Variants in WWC1 observed in about 807,000 individuals in gnomAD.
WWC1 encodes the protein protein KIBRA.
A neutral mutation model predicts 138.4 loss-of-function variants in WWC1; 55 were observed. The observed-to-expected ratio is 0.40, with a 90% CI of 0.32 to 0.50. The LOEUF (loss-of-function observed/expected upper bound fraction) is 0.50, where lower values mean the gene tolerates loss of function less well. WWC1 is among the 20% of genes least tolerant of loss of function. WWC1 has a pLI of 0.72. For synonymous variants in WWC1, 524 were observed against 564.9 expected (o/e 0.93, Z 1.03); for missense variants, 1,226 against 1,420.4 (o/e 0.86, Z 2.20).
intron 3 of WWC1, among the ~76,000 whole-genome samples, chr5:168,392,329 TATAAAG>T (rs1209025798): frequency 6.6e-6 from 1 of 152,004 alleles, no homozygotes; most frequent in African/African-American, 2.4e-5. Flanking sequence ...AGGGAAGAGA[TATAAAG>T]AGAAAAGCTG....
chr5:168,357,207 T>C (rs1207263869), intron 1 of WWC1, among the ~76,000 whole-genome samples: 1 of 152,008 alleles, frequency 6.6e-6, no homozygotes, highest in African/African-American at 2.4e-5. Context: ...ATTTATTCAT[T>C]CAGTGAACAT....
At chr5:168,301,827 A>G (rs892452000) in intron 1 of WWC1, among the ~76,000 whole-genome samples, 1 of 152,086 alleles carries the variant, frequency 6.6e-6, no homozygotes, top group African/African-American at 2.4e-5. Flanking sequence ...CCTCCTGTGC[A>G]TTGGTAACGG....
chr5:168,390,619 G>C (rs1306424564), intron 3 of WWC1, among the ~76,000 whole-genome samples: 4 of 152,234 alleles, frequency 2.6e-5, no homozygotes, highest in African/African-American at 9.6e-5. Flanking sequence ...TTACAAGCCA[G>C]GTTTGCCTTC....
chr5:168,403,083 C>CTTTCTTTCTTTCTTTT (rs1779502702), intron 5 of WWC1, among the ~76,000 whole-genome samples: 1 of 100,448 alleles, frequency 1.0e-5, no homozygotes, highest in African/African-American at 3.8e-5. Flanking sequence ...TCTTTCTTTT[C>CTTTCTTTCTTTCTTTT]TTTCTTTTCT....
chr5:168,367,248 A>C (rs1359300660), intron 1 of WWC1, among the ~76,000 whole-genome samples: 1 of 151,968 alleles, frequency 6.6e-6, no homozygotes, highest in Non-Finnish European at 1.5e-5. Context: ...CTCTTGTCTC[A>C]TTTCACCTTC....
Position 168,454,078 on chromosome 5 carries a change from T to A in WWC1, c.2636T>A (p.Met879Lys), listed in dbSNP as rs371205335. 1.2e-5 allele frequency: 20 copies of A among 1,612,454 alleles called. No homozygotes were observed. The highest frequency in any genetic ancestry group is 1.7e-5 in the Non-Finnish European group (20 of 1,179,720). ...DVFTEKASPD[M>K]DGYPALKVDK... ...TTCACCGAGAAAGCCTCACCTGATA[T>A]GGATGGGTACCCAGCATTAAAGGTA... is the stretch of plus-strand genomic sequence containing the variant. The change falls in exon 18 of 23, where the codon ATG (methionine) becomes AAG (lysine). Residue 879 changes from methionine (M) to lysine (K), a missense_variant. Met to Lys is a moderately conservative substitution (Grantham distance 95, BLOSUM62 -1). Around this residue, in one of 3 missense-constraint regions of WWC1, gnomAD observed 1,016 missense variants for 1,153.9 expected, o/e 0.88. Coordinates refer to ENST00000265293, the MANE Select transcript of WWC1 (RefSeq NM_015238.3).
At chr5:168,460,922 A>G (rs1386226957) in intron 20 of WWC1, among the ~76,000 whole-genome samples, 180 bp downstream of exon 20, 2 of 152,166 alleles carry the variant, frequency 1.3e-5, no homozygotes, top group East Asian at 3.9e-4. Context: ...CTGTGTAGCC[A>G]CAGGGGAAGG....
At chr5:168,400,251 G>C (rs1412724859) in intron 5 of WWC1, among the ~76,000 whole-genome samples, 1 of 152,076 alleles carries the variant, frequency 6.6e-6, no homozygotes, top group African/African-American at 2.4e-5. Context: ...TGTCATGGGG[G>C]TTTGTTGTAC....
At chr5:168,453,471 G>A (rs1341768343) in intron 17 of WWC1, among the ~76,000 whole-genome samples, 1 of 152,170 alleles carries the variant, frequency 6.6e-6, no homozygotes, top group African/African-American at 2.4e-5. Context: ...TACATCTCAA[G>A]TACAGTGGTG....
intron 1 of WWC1, among the ~76,000 whole-genome samples, chr5:168,296,563 T>G (rs1375176373): frequency 6.6e-6 from 1 of 152,192 alleles, no homozygotes. Context: ...TAGATAAGCT[T>G]GGAAATTGCT....
At chr5:168,417,116 C>T (rs569851349) in intron 9 of WWC1, among the ~76,000 whole-genome samples, 1 of 152,236 alleles carries the variant, frequency 6.6e-6, no homozygotes, top group Admixed American at 6.5e-5. Context: ...ATCCACGTGC[C>T]TCGGCCTTCC....
At chr5:168,313,884 A>G (rs1771340539) in intron 1 of WWC1, among the ~76,000 whole-genome samples, 1 of 152,212 alleles carries the variant, frequency 6.6e-6, no homozygotes. Flanking sequence ...CCAGAGCCCC[A>G]TGTGAAATAA....
chr5:168,452,235 T>C (rs1012698243), intron 17 of WWC1, among the ~76,000 whole-genome samples: 3 of 152,172 alleles, frequency 2.0e-5, no homozygotes, highest in Non-Finnish European at 2.9e-5. Flanking sequence ...AAATTTATAC[T>C]TACCGTATGA....
At chr5:168,368,261 A>T (rs949882657) in intron 1 of WWC1, among the ~76,000 whole-genome samples, 2 of 151,962 alleles carry the variant, frequency 1.3e-5, no homozygotes, top group Non-Finnish European at 2.9e-5. Context: ...TGGCCAGAAC[A>T]CTTCATCTTT....
chr5:168,311,918 G>T (rs974752750), intron 1 of WWC1, among the ~76,000 whole-genome samples: 2 of 150,768 alleles, frequency 1.3e-5, no homozygotes, highest in African/African-American at 4.9e-5. Context: ...GCATGGTGGC[G>T]CACACCTGTA....
chr5:168,359,935 G>C (rs1239621856), intron 1 of WWC1, among the ~76,000 whole-genome samples: 1 of 152,210 alleles, frequency 6.6e-6, no homozygotes, highest in Non-Finnish European at 1.5e-5. Flanking sequence ...CAATTCTGTA[G>C]AGGTAGCCAG....
chr5:168,455,304 TG>T, intron 18 of WWC1, 51 bp from the exon 19 acceptor site: 1 of 1,520,198 alleles, frequency 6.6e-7, no homozygotes, highest in Non-Finnish European at 8.8e-7. Context: ...CTCTGGTGGG[TG>T]GCTGAGACTC....
chr5:168,304,664 G>A (rs1393589717), intron 1 of WWC1, among the ~76,000 whole-genome samples: 3 of 152,096 alleles, frequency 2.0e-5, no homozygotes, highest in African/African-American at 7.2e-5. Context: ...AGCTCTCTGG[G>A]TAACTCTGCT....
intron 17 of WWC1, among the ~76,000 whole-genome samples, chr5:168,451,888 GCCAT>G (rs1268305623): frequency 1.4e-5 from 2 of 143,304 alleles, no homozygotes; most frequent in Non-Finnish European, 3.0e-5. Flanking sequence ...CTTTGGAGAA[GCCAT>G]TTGTTGGTGT....
Sources: gnomAD v4.1 joint callset for allele counts (sites outside exome capture counted in the v4.1 genomes callset) on GRCh38, gnomAD v4.1.1 for gene constraint, gnomAD v4.1.1 regional missense constraint, MANE v1.5 for transcripts, NCBI Gene and HGNC (gene_info 2026-07-23, HGNC 2026-07-21) for gene names.